Variants in WDR1 observed in about 807,000 individuals in gnomAD.
WDR1 encodes WD repeat-containing protein 1.
Under a neutral mutation model 71.9 loss-of-function variants are expected in WDR1, and 21 were observed. The observed-to-expected ratio is 0.29, with a 90% confidence interval of 0.21 to 0.42. The LOEUF (loss-of-function observed/expected upper bound fraction) is 0.42. Among genes scored for constraint, WDR1 ranks in the 10% least tolerant of loss-of-function variants. The pLI, the probability that WDR1 is intolerant of heterozygous loss-of-function variation, is 1.00. For synonymous variants in WDR1, 424 were observed against 347.4 expected (o/e 1.22, Z -2.45); for missense variants, 696 against 824.5 (o/e 0.84, Z 1.91).
intron 5 of WDR1, among the ~76,000 whole-genome samples, chr4:10,097,373 C>G (rs1217609429): frequency 6.6e-6 from 1 of 152,264 alleles, no homozygotes; most frequent in African/African-American, 2.4e-5. Flanking sequence ...AACAGCAGGC[C>G]CTGCAGGCTC....
intron 11 of WDR1, among the ~76,000 whole-genome samples, chr4:10,080,882 G>GT (rs1283947790): frequency 1.3e-5 from 2 of 152,240 alleles, no homozygotes; most frequent in African/African-American, 4.8e-5. Context: ...CCAAGATGGT[G>GT]TAAGGAGACT....
chr4:10,099,785 C>A (rs939900414), intron 3 of WDR1, among the ~76,000 whole-genome samples: 11 of 152,234 alleles, frequency 7.2e-5, no homozygotes, highest in Admixed American at 3.9e-4. Flanking sequence ...CCGAGCAGTT[C>A]CACGACGCAC....
chr4:10,089,143 C>G (rs575141918), intron 5 of WDR1, among the ~76,000 whole-genome samples: 4 of 152,236 alleles, frequency 2.6e-5, no homozygotes, highest in Non-Finnish European at 4.4e-5. Flanking sequence ...CTGTCTGGCT[C>G]TGTTGCCCAG....
chr4:10,091,067 AG>A (rs1218369012), intron 5 of WDR1, among the ~76,000 whole-genome samples: 6 of 152,242 alleles, frequency 3.9e-5, no homozygotes, highest in African/African-American at 1.4e-4. Flanking sequence ...GGGTGCTGCA[AG>A]GCTTGGCCAG....
chr4:10,101,492 A>G (rs1346938965), intron 3 of WDR1, among the ~76,000 whole-genome samples: 1 of 152,214 alleles, frequency 6.6e-6, no homozygotes, highest in Non-Finnish European at 1.5e-5. Flanking sequence ...ATTCAAAGAA[A>G]TGTATTAGAA....
intron 6 of WDR1, 138 bp downstream of exon 6, chr4:10,088,526 G>T: frequency 1.8e-6 from 2 of 1,113,308 alleles, no homozygotes; most frequent in Non-Finnish European, 2.7e-6. Flanking sequence ...GGGCTCTGAC[G>T]ACGAGTCTGC....
At chr4:10,104,684 G>A (rs983605327) in intron 2 of WDR1, among the ~76,000 whole-genome samples, 3 of 152,044 alleles carry the variant, frequency 2.0e-5, no homozygotes, top group African/African-American at 4.8e-5. Flanking sequence ...ACACACACAC[G>A]CAGGGCCTCA....
At position 10,098,866 on chromosome 4, in the gene WDR1, C is replaced by G. The variant is rs1000938492; in HGVS notation, c.377+126G>C. 4 of 1,399,598 alleles carry G rather than the reference C, an allele frequency of 2.9e-6. No homozygotes were observed. The Admixed American group carries it at 7.4e-5, about 26-fold the overall frequency. 86.7% of individuals were successfully genotyped at this position (1,399,598 alleles called of 1,614,324 possible). ...CAGCCCTCACGGGGCCCGGCACCTACTGGGAGCTCAACCCTCACGAGTGCA... is the reference window on the plus strand; with the variant it reads ...CAGCCCTCACGGGGCCCGGCACCTAGTGGGAGCTCAACCCTCACGAGTGCA... On this transcript the variant is annotated intron_variant, in intron 4 of 14. Transcript: ENST00000499869.
intron 13 of WDR1, 102 bp downstream of exon 13, chr4:10,077,651 G>T (rs745512794): frequency 4.1e-6 from 6 of 1,465,102 alleles, no homozygotes; most frequent in Non-Finnish European, 5.4e-6. Context: ...GAAAACTACA[G>T]CTCAGACAGG....
intron 5 of WDR1, among the ~76,000 whole-genome samples, chr4:10,095,451 T>C (rs984983736): frequency 6.6e-5 from 10 of 152,156 alleles, no homozygotes; most frequent in African/African-American, 2.4e-4. Flanking sequence ...CACCATGTCC[T>C]CAAAGCTGAC....
chr4:10,099,808 G>T (rs564478480), intron 3 of WDR1, among the ~76,000 whole-genome samples: 1 of 152,370 alleles, frequency 6.6e-6, no homozygotes, highest in East Asian at 1.9e-4. Context: ...GAATCCAAGC[G>T]TAAGATTCTT....
At chr4:10,087,263 T>C (rs1460415021) in intron 8 of WDR1, among the ~76,000 whole-genome samples, 1 of 152,252 alleles carries the variant, frequency 6.6e-6, no homozygotes, top group African/African-American at 2.4e-5. Flanking sequence ...CAAGGCCACC[T>C]GCTCTTGCTC....
At chr4:10,089,809 T>C (rs1330539048) in intron 5 of WDR1, among the ~76,000 whole-genome samples, 2 of 152,256 alleles carry the variant, frequency 1.3e-5, no homozygotes, top group African/African-American at 4.8e-5. Context: ...ATGAGCTACC[T>C]GTGTGGGGGA....
rs1331506085 is a variant in WDR1 at position 10,099,137 on chromosome 4, C to T, written c.232G>A (p.Val78Met). 2 of 1,416,408 alleles carry T rather than the reference C, an allele frequency of 1.4e-6. No individual in the cohort carries two copies. The highest frequency in any genetic ancestry group is 3.1e-5 in the East Asian group (1 of 32,102). 87.7% of individuals were successfully genotyped at this position (1,416,408 alleles called of 1,614,324 possible). ...PSGFYIASGD[V>M]SGKLRIWDTT... ...TCCCAGATCCTCAGCTTCCCAGACA[C>T]ATCTGTGGGGCACAGCGGGCGGGGG... The change falls in exon 4 of 15, where the codon GTG (valine) becomes ATG (methionine). Residue 78 changes from valine (V) to methionine (M), a missense_variant and splice_region_variant. By Grantham distance (21) the Val-to-Met change is conservative (BLOSUM62 1). Coordinates refer to ENST00000499869, the MANE Select transcript of WDR1 (RefSeq NM_017491.5).
chr4:10,102,869 C>G (rs887287335), intron 3 of WDR1, among the ~76,000 whole-genome samples: 1 of 152,200 alleles, frequency 6.6e-6, no homozygotes, highest in East Asian at 1.9e-4. Context: ...CCCACATCAG[C>G]TTACTCACTT....
intron 8 of WDR1, among the ~76,000 whole-genome samples, chr4:10,087,178 C>A (rs1454264973): frequency 6.6e-6 from 1 of 152,238 alleles, no homozygotes; most frequent in East Asian, 1.9e-4. Flanking sequence ...CCCATCGCTC[C>A]CTTATGGAAC....
chr4:10,082,313 C>G (rs528677329), intron 10 of WDR1, among the ~76,000 whole-genome samples: 1 of 151,352 alleles, frequency 6.6e-6, no homozygotes, highest in East Asian at 2.0e-4. Context: ...CCCCAGGAGT[C>G]CCCATCTCCC....
At chr4:10,112,461 ACTCTACAGAGGAGAGTTGC>A (rs1336142749) in intron 2 of WDR1, among the ~76,000 whole-genome samples, 1 of 152,084 alleles carries the variant, frequency 6.6e-6, no homozygotes, top group African/African-American at 2.4e-5. Flanking sequence ...ATAGTCTTTC[ACTCTACAGAGGAGAGTTGC>A]CTCTCCAGGT....
At chr4:10,113,038 T>A (rs1001479426) in intron 2 of WDR1, among the ~76,000 whole-genome samples, 1 of 152,190 alleles carries the variant, frequency 6.6e-6, no homozygotes, top group South Asian at 2.1e-4. Context: ...ACCCCTCTAC[T>A]AAGGTGACTA....
Sources: allele counts gnomAD v4.1 joint callset (sites outside exome capture counted in the v4.1 genomes callset), GRCh38; gene constraint gnomAD v4.1.1; transcripts MANE v1.5; gene names NCBI Gene and HGNC (gene_info 2026-07-23, HGNC 2026-07-21).